RFX3: variants seen among roughly 807,000 people sequenced by gnomAD.
The protein encoded by RFX3 is regulatory factor X3.
RFX3 carries 14 observed loss-of-function variants against 98.6 expected under a neutral mutation model. That is an observed-to-expected ratio of 0.14 (90% CI 0.09 to 0.22). RFX3 has a LOEUF of 0.22. Among genes scored for constraint, RFX3 ranks in the 10% least tolerant of loss-of-function variants. The probability of loss-of-function intolerance (pLI) is 1.00; values close to 1 mark genes in which losing one functional copy is unlikely to be tolerated. For missense variants in RFX3, 639 were observed against 926.9 expected (o/e 0.69, Z 4.03); for synonymous variants, 383 against 328.4 (o/e 1.17, Z -1.80).
chr9:3,236,802 G>A (rs935257931), intron 15 of RFX3, among the ~76,000 whole-genome samples: 1 of 152,162 alleles, frequency 6.6e-6, no homozygotes, highest in Non-Finnish European at 1.5e-5. Context: ...AGGGTCATCA[G>A]GTACCTTGGA....
intron 2 of RFX3, among the ~76,000 whole-genome samples, chr9:3,376,738 A>C (rs1364183176): frequency 1.3e-5 from 2 of 152,160 alleles, no homozygotes; most frequent in African/African-American, 4.8e-5. Flanking sequence ...AACTCAAACA[A>C]ATTTACAAGA....
At chr9:3,522,587 G>T (rs1818831197) in intron 1 of RFX3, among the ~76,000 whole-genome samples, 1 of 147,264 alleles carries the variant, frequency 6.8e-6, no homozygotes, top group Non-Finnish European at 1.5e-5. Flanking sequence ...GTGTGTGTGT[G>T]TAACTTTTGC....
intron 12 of RFX3, among the ~76,000 whole-genome samples, chr9:3,265,351 T>A (rs1586800079): frequency 6.6e-6 from 1 of 152,318 alleles, no homozygotes; most frequent in South Asian, 2.1e-4. Context: ...GAGAGAAAGT[T>A]TTATTGCAAA....
intron 12 of RFX3, among the ~76,000 whole-genome samples, chr9:3,264,519 A>C (rs1194119912): frequency 6.6e-6 from 1 of 152,174 alleles, no homozygotes; most frequent in African/African-American, 2.4e-5. Context: ...TTTGTGGTTT[A>C]CATTAATCCA....
intron 10 of RFX3, 116 bp from the exon 11 acceptor site, chr9:3,270,641 T>C (rs1443643715): frequency 5.0e-6 from 5 of 1,005,688 alleles, no homozygotes; most frequent in African/African-American, 4.9e-5. Flanking sequence ...TATACCACCA[T>C]TGCACTGGTG....
At chr9:3,258,814 C>T (rs1421334579) in intron 13 of RFX3, among the ~76,000 whole-genome samples, 1 of 151,272 alleles carries the variant, frequency 6.6e-6, no homozygotes, top group African/African-American at 2.4e-5. Flanking sequence ...CATATATATA[C>T]ACTATATTAT....
At chr9:3,384,008 T>C (rs1204369681) in intron 2 of RFX3, among the ~76,000 whole-genome samples, 1 of 152,180 alleles carries the variant, frequency 6.6e-6, no homozygotes, top group African/African-American at 2.4e-5. Context: ...TTCAGTTTGA[T>C]ACAGAGCTTG....
At chr9:3,325,831 T>C (rs1474506748) in intron 4 of RFX3, among the ~76,000 whole-genome samples, 1 of 152,096 alleles carries the variant, frequency 6.6e-6, no homozygotes, top group African/African-American at 2.4e-5. Flanking sequence ...AATGATGTGA[T>C]TATATAGAAA....
At chr9:3,337,580 G>A (rs1230432999) in intron 3 of RFX3, among the ~76,000 whole-genome samples, 1 of 152,160 alleles carries the variant, frequency 6.6e-6, no homozygotes, top group Non-Finnish European at 1.5e-5. Flanking sequence ...TGGCAGTAGG[G>A]CCAGGACACA....
At chr9:3,309,117 C>G (rs1387882937) in intron 4 of RFX3, among the ~76,000 whole-genome samples, 1 of 152,132 alleles carries the variant, frequency 6.6e-6, no homozygotes. Context: ...TGCATAGATT[C>G]TGTACGACAG....
At chr9:3,504,935 A>ATATAATATAACATATATTAT (rs1564185846) in intron 1 of RFX3, among the ~76,000 whole-genome samples, 1 of 63,928 alleles carries the variant, frequency 1.6e-5, no homozygotes, top group Admixed American at 2.8e-4. Flanking sequence ...TATTATATAT[A>ATATAATATAACATATATTAT]ATATATATAA....
chr9:3,447,807 G>C (rs568020199), intron 1 of RFX3, among the ~76,000 whole-genome samples: 2 of 151,744 alleles, frequency 1.3e-5, no homozygotes, highest in South Asian at 2.1e-4. Context: ...TTCCCTACAG[G>C]TGGATATGAA....
intron 16 of RFX3, among the ~76,000 whole-genome samples, chr9:3,227,318 T>A (rs1817895567): frequency 6.6e-6 from 1 of 152,176 alleles, no homozygotes; most frequent in South Asian, 2.1e-4. Flanking sequence ...GTGTTCCAGG[T>A]AGGTTTTGCT....
intron 1 of RFX3, among the ~76,000 whole-genome samples, chr9:3,515,491 C>T (rs1255228393): frequency 1.3e-5 from 2 of 152,150 alleles, no homozygotes; most frequent in East Asian, 3.8e-4. Context: ...AGTCCCACCT[C>T]AAGCCCCCAC....
Position 3,221,916 on chromosome 9 carries a change from T to A in RFX3, c.*3126A>T, listed in dbSNP as rs1336736110. 6.6e-6 allele frequency: 1 copy of A among 152,170 alleles called. No individual in the cohort carries two copies. Among genetic ancestry groups the A allele is most frequent in the African/African-American group, 2.4e-5 (1 of 41,446 alleles). 9.4% of individuals were successfully genotyped at this position (152,170 alleles called of 1,614,324 possible). ...GTAGGTATATTTCATGACTAGTGAT[T>A]GGTTATAATTGCAAGAAATACAAAG... On this transcript the variant is annotated 3_prime_UTR_variant, in exon 17 of 17. Transcript: ENST00000617270.
chr9:3,224,887 AATAC>A lies in RFX3; in HGVS notation c.*151_*154del. On this transcript the variant is annotated 3_prime_UTR_variant, in exon 17 of 17. Transcript: ENST00000617270. The stretch of plus-strand genomic sequence containing the variant: ...TACGTTAAAAAAAAAGATCTGGCAA[AATAC>A]ATACACCCATTCCATTTCACAACTC... 1 of 651,584 alleles carries A rather than the reference AATAC, an allele frequency of 1.5e-6. No homozygotes were observed. The highest frequency in any genetic ancestry group is 1.8e-5 in the African/African-American group (1 of 55,642). 40.4% of individuals were successfully genotyped at this position (651,584 alleles called of 1,614,324 possible).
intron 1 of RFX3, among the ~76,000 whole-genome samples, chr9:3,446,780 C>CT: frequency 6.6e-6 from 1 of 152,034 alleles, no homozygotes. Context: ...TGAGGGGCTT[C>CT]TTTTATCATC....
At chr9:3,310,122 C>A (rs1829790609) in intron 4 of RFX3, among the ~76,000 whole-genome samples, 1 of 152,154 alleles carries the variant, frequency 6.6e-6, no homozygotes, top group Admixed American at 6.5e-5. Context: ...GGCTGGAGCA[C>A]AGGGATCATT....
At chr9:3,249,406 T>C (rs189593483) in intron 14 of RFX3, among the ~76,000 whole-genome samples, 4 of 152,282 alleles carry the variant, frequency 2.6e-5, no homozygotes, top group African/African-American at 4.8e-5. Flanking sequence ...CCGAGATGTT[T>C]TTCCTCTTGC....
Sources: gnomAD v4.1 joint callset for allele counts (sites outside exome capture counted in the v4.1 genomes callset) on GRCh38, gnomAD v4.1.1 for gene constraint, MANE v1.5 for transcripts, NCBI Gene and HGNC (gene_info 2026-07-23, HGNC 2026-07-21) for gene names.